The following FASN variants were observed in gnomAD, a reference collection of about 807,000 sequenced individuals.
FASN encodes 3-hydroxyacyl-[acyl-carrier-protein] dehydratase.
In FASN, 50 loss-of-function variants were observed where a neutral mutation model predicts 250.0. That is an observed-to-expected ratio of 0.20 (90% CI 0.16 to 0.25). The LOEUF (loss-of-function observed/expected upper bound fraction) is 0.25, where lower values mean the gene tolerates loss of function less well. FASN is among the 10% of genes least tolerant of loss of function. The pLI, the probability that FASN is intolerant of heterozygous loss-of-function variation, is 1.00. For synonymous variants in FASN, 1,909 were observed against 1,584.0 expected (o/e 1.21, Z -4.87); for missense variants, 3,031 against 3,498.5 (o/e 0.87, Z 3.37).
chr17:82,088,350 G>A (rs1265641008), intron 16 of FASN, 40 bp downstream of exon 16: 5 of 1,610,916 alleles, frequency 3.1e-6, no homozygotes, highest in East Asian at 2.2e-5. Flanking sequence ...GGCGTCTGTG[G>A]GGAGGGAAGA....
In FASN at chr17:82,082,925, C is replaced by A. The variant is rs1240908123; in HGVS notation, c.5756G>T (p.Gly1919Val). ...VQKLVLTSRS[G>V]IRTGYQAKQV... ...CCCTGCCGACTCACCTGTCCGGATC[C>A]CGGAGCGAGAAGTCAACACGAGCTT... is the stretch of plus-strand genomic sequence containing the variant. Residue 1919 changes from glycine (G) to valine (V), a missense_variant, in exon 33 of 43, where the codon GGG (glycine) becomes GTG (valine). Transcript: ENST00000306749. The A allele has an allele frequency of 6.2e-7, 1 of 1,612,654 alleles. No homozygotes were observed. Among genetic ancestry groups the A allele is most frequent in the Non-Finnish European group, 8.5e-7 (1 of 1,179,972 alleles).
chr17:82,093,797 C>T (rs1019206233), intron 3 of FASN, 26 bp from the exon 4 acceptor site: 2 of 1,610,558 alleles, frequency 1.2e-6, no homozygotes, highest in East Asian at 2.2e-5. Context: ...GTCAAGGTGC[C>T]ACGGCCGGGC....
rs2034171219 is a variant in FASN, at chr17:82,089,791, C to A, written c.1871-65G>T. 3.0e-6 allele frequency: 4 copies of A among 1,331,734 alleles called. No homozygotes were observed. The Admixed American group carries it at 7.9e-5, about 26-fold the overall frequency. The allele number at this position is 1,331,734 out of a possible 1,614,324, so 82.5% of individuals were successfully genotyped here. On this transcript the variant is annotated intron_variant, in intron 11 of 42. Transcript: ENST00000306749. ...GAGCCGCTCCCAGCCACCCACCCAC[C>A]CAGACACTGCCTGCAGCTGGGGGCA...
chr17:82,082,739 G>T, intron 33 of FASN, 61 bp from the exon 34 acceptor site: 1 of 1,589,336 alleles, frequency 6.3e-7, no homozygotes, highest in South Asian at 1.1e-5. Context: ...CCTACACGCC[G>T]GGCTGGGGAA....
Position 82,082,512 on chromosome 17 carries a change from G to C in FASN, c.5919+15C>G. On this transcript the variant is annotated intron_variant, in intron 34 of 42. Transcript: ENST00000306749. ...CTTGGGGCTTTTGAGGGCCCCATTT[G>C]GGGCCTTCCCTCACCACGGCCAGGT... 1 of 1,609,142 alleles carries C rather than the reference G, an allele frequency of 6.2e-7. No homozygotes were observed. The highest frequency in any genetic ancestry group is 8.5e-7 in the Non-Finnish European group (1 of 1,179,820).
Position 82,085,725 on chromosome 17 carries a change from G to A in FASN, c.3879C>T (p.Ala1293=). The A allele has an allele frequency of 1.3e-6, 2 of 1,566,158 alleles. No individual in the cohort carries two copies. The highest frequency in any genetic ancestry group is 1.7e-6 in the Non-Finnish European group (2 of 1,156,308). ...GGTCTGCGGGATCCCACTGGCCCTG[G>A]GCAACGTCGTGCTGCTGCAGCTCGG... The part of the protein sequence containing the change: ...AQAELQQHDV[A]QGQWDPADPA... The change falls in exon 23 of 43, where the codon GCC becomes GCT. Residue 1293 remains alanine, a synonymous_variant. Transcript: ENST00000306749.
At chr17:82,081,040 G>C in intron 38 of FASN, 118 bp from the exon 39 acceptor site, 1 of 1,395,626 alleles carries the variant, frequency 7.2e-7, no homozygotes. Context: ...GAGTCGGGGT[G>C]GGAACGCTCA....
chr17:82,088,240 G>T lies in FASN; in HGVS notation c.2661C>A (p.Pro887=). Residue 887 remains proline, a synonymous_variant, in exon 17 of 43, where the codon CCC becomes CCA. Coordinates refer to ENST00000306749, the MANE Select transcript of FASN (RefSeq NM_004104.5). ...DHTLDGRVLF[P]ATGYLSIVWK... is the part of the protein sequence containing the mutation. Reference sequence around the variant, plus strand: ...ACACTATGCTCAGGTAGCCAGTGGCGGGGAAGAGGACGCGACCGTCGAGGG... The same window carrying T: ...ACACTATGCTCAGGTAGCCAGTGGCTGGGAAGAGGACGCGACCGTCGAGGG... 1.2e-6 allele frequency: 2 copies of T among 1,609,464 alleles called. No homozygotes were observed. Among genetic ancestry groups the T allele is most frequent in the African/African-American group, 1.3e-5 (1 of 75,060 alleles).
chr17:82,090,192 G>C (rs1282917843), intron 11 of FASN, among the ~76,000 whole-genome samples, 183 bp downstream of exon 11: 1 of 152,232 alleles, frequency 6.6e-6, no homozygotes, highest in South Asian at 2.1e-4. Context: ...AAGGCTGCCA[G>C]GTGTGGGGCC....
chr17:82,086,390 G>A lies in FASN; in HGVS notation c.3596C>T (p.Ala1199Val), dbSNP rs778879288. ...QLNGNLQLEL[A>V]QVLAQERPKL... ...GGGCCTCTCCTGGGCCAGCACCTGC[G>A]CCAGCTCCAGCTGCAGGTTCCCGTT... is the stretch of plus-strand genomic sequence containing the variant. Residue 1199 changes from alanine to valine, a missense_variant, in exon 22 of 43, where the codon GCG (alanine) becomes GTG (valine). Physicochemically the swap from Ala to Val is moderately conservative, Grantham distance 64 (BLOSUM62 0). Coordinates refer to ENST00000306749, the MANE Select transcript of FASN (RefSeq NM_004104.5). 1.1e-5 allele frequency: 18 copies of A among 1,609,780 alleles called. No individual in the cohort carries two copies. The highest frequency in any genetic ancestry group is 3.3e-4 in the Middle Eastern group (2 of 6,058).
At chr17:82,094,182 G>A (rs1219828196) in intron 3 of FASN, 2 of 337,774 alleles carry the variant, frequency 5.9e-6, no homozygotes, top group Non-Finnish European at 1.2e-5. Context: ...CAGCGCCAAG[G>A]GCAGCCTGCA....
At chr17:82,094,272 C>A in intron 3 of FASN, 1 of 236,058 alleles carries the variant, frequency 4.2e-6, no homozygotes. Flanking sequence ...ACACCGGTCA[C>A]CCCCGGGGAG....
At position 82,079,006 on chromosome 17, in the gene FASN, G is replaced by C; in HGVS notation, c.*137C>G. The C allele has an allele frequency of 2.8e-6, 3 of 1,070,876 alleles. No individual in the cohort carries two copies. Among genetic ancestry groups the C allele is most frequent in the Non-Finnish European group, 4.1e-6 (3 of 740,140 alleles). The allele number at this position is 1,070,876 out of a possible 1,614,324, so 66.3% of individuals were successfully genotyped here. On this transcript the variant is annotated 3_prime_UTR_variant, in exon 43 of 43. Coordinates refer to ENST00000306749, the MANE Select transcript of FASN (RefSeq NM_004104.5). ...GGGACATGCCTAACACCTACATCTA[G>C]CAGCCTCGGGGGGCAGTGGCACTGG...
rs2034152455 is a variant in FASN at position 82,088,853 on chromosome 17, C to G, written c.2328G>C (p.Lys776Asn). The G allele has an allele frequency of 6.2e-7, 1 of 1,612,568 alleles. No individual in the cohort carries two copies. Residue 776 changes from lysine to asparagine, a missense_variant, in exon 15 of 43, where the codon AAG (lysine) becomes AAC (asparagine). Coordinates refer to ENST00000306749, the MANE Select transcript of FASN (RefSeq NM_004104.5). Reference sequence around the variant, plus strand: ...TCAGGGGGATGATGGTGCAGCTCGGCTTCAGGCCACGCTTCAGGACAGCCT... The same window carrying G: ...TCAGGGGGATGATGGTGCAGCTCGGGTTCAGGCCACGCTTCAGGACAGCCT... ...LLQAVLKRGL[K>N]PSCTIIPLMK...
intron 21 of FASN, among the ~76,000 whole-genome samples, 178 bp from the exon 22 acceptor site, chr17:82,086,736 T>C (rs1421654589): frequency 6.6e-6 from 1 of 152,158 alleles, no homozygotes; most frequent in Non-Finnish European, 1.5e-5. Context: ...TCCTGCCCAC[T>C]GTGGACGCAG....
At position 82,090,951 on chromosome 17, in the gene FASN, C is replaced by G. The variant is rs772037505; in HGVS notation, c.1611G>C (p.Leu537=). ...VKPFGLKVSQ[L]LLSTDESTFD... ...AGGTGCTCTCGTCTGTGCTCAGCAG[C>G]AGCTGTGACACCTTCAGGCCGAATG... The change falls in exon 10 of 43, where the codon CTG becomes CTC. Residue 537 remains leucine (L), a synonymous_variant. Transcript: ENST00000306749. 3.1e-6 allele frequency: 5 copies of G among 1,612,846 alleles called. No individual in the cohort carries two copies. In the South Asian group the frequency reaches 4.4e-5, roughly 14 times the overall value.
rs1387350603 is a variant in FASN at position 82,085,839 on chromosome 17, G to A, written c.3765C>T (p.Arg1255=). ...GATGGGGGCTGAGCAGGCCTGGGAT[G>A]CGGGAATACAGGTGACCGTGGCCAG... The part of the protein sequence containing the change: ...VLAGHGHLYS[R]IPGLLSPHPL... The change falls in exon 23 of 43, where the codon CGC becomes CGT. Residue 1255 remains arginine, a synonymous_variant. Transcript: ENST00000306749. The A allele has an allele frequency of 3.9e-6, 6 of 1,554,810 alleles. No homozygotes were observed. Among genetic ancestry groups the A allele is most frequent in the Non-Finnish European group, 5.2e-6 (6 of 1,155,264 alleles).
At chr17:82,081,031 A>G (rs1215036840) in intron 38 of FASN, 109 bp from the exon 39 acceptor site, 1 of 1,388,308 alleles carries the variant, frequency 7.2e-7, no homozygotes, top group East Asian at 2.5e-5. Flanking sequence ...GTCAGGTGGG[A>G]GTCGGGGTGG....
In FASN at chr17:82,081,611, T is replaced by A; in HGVS notation, c.6396A>T (p.Ala2132=). 2 of 1,612,516 alleles carry A rather than the reference T, an allele frequency of 1.2e-6. No individual in the cohort carries two copies. The highest frequency in any genetic ancestry group is 4.5e-5 in the East Asian group (2 of 44,874). The change falls in exon 37 of 43, where the codon GCA becomes GCT. Residue 2132 remains alanine, a synonymous_variant. Transcript: ENST00000306749. ...DSQRDLVEAV[A]HILGIRDLAA... Reference sequence around the variant, plus strand: ...ACTGGGAGTGCTCACCCAGGATGTGTGCCACGGCCTCCACCAGGTCCCGCT... The same window carrying A: ...ACTGGGAGTGCTCACCCAGGATGTGAGCCACGGCCTCCACCAGGTCCCGCT...
Sources: gnomAD v4.1 joint callset for allele counts (sites outside exome capture counted in the v4.1 genomes callset) on GRCh38, gnomAD v4.1.1 for gene constraint, MANE v1.5 for transcripts, NCBI Gene and HGNC (gene_info 2026-07-23, HGNC 2026-07-21) for gene names.